DUSP6: variants seen among roughly 807,000 people sequenced by gnomAD.
DUSP6 encodes dual specificity phosphatase 6.
Under a neutral mutation model 28.0 loss-of-function variants are expected in DUSP6, and 6 were observed. The observed-to-expected ratio is 0.21, with a 90% CI of 0.12 to 0.42. The LOEUF is 0.42. DUSP6 is among the 10% of genes least tolerant of loss of function. The pLI is 1.00. For synonymous variants in DUSP6, 252 were observed against 217.5 expected, an observed-to-expected ratio of 1.16 and a Z score of -1.40; for missense variants, 451 against 498.1, an observed-to-expected ratio of 0.91 and a Z score of 0.90.
intron 1 of DUSP6, chr12:89,351,316 C>T: frequency 1.7e-6 from 1 of 580,064 alleles, no homozygotes; most frequent in Non-Finnish European, 3.0e-6. Context: ...AACAATCTCT[C>T]CCGTCCTGCA....
rs1311440674 is a variant in DUSP6 at position 89,348,973 on chromosome 12, A to T, written c.*281T>A. 2 of 364,002 alleles carry T rather than the reference A, an allele frequency of 5.5e-6. No individual in the cohort carries two copies. The highest frequency in any genetic ancestry group is 4.0e-5 in the African/African-American group (2 of 49,904). The allele number at this position is 364,002 out of a possible 1,614,324, so 22.5% of individuals were successfully genotyped here. A position where few individuals can be genotyped will look rare whatever the true frequency, so the allele number is the denominator to read the frequency against. ...TTTGGTTCTACCCTATGCGCCTGGA[A>T]GTCCTCGAATCCCAGTCCCTGCATG... On this transcript the variant is annotated 3_prime_UTR_variant, in exon 3 of 3. Coordinates refer to ENST00000279488, the MANE Select transcript of DUSP6 (RefSeq NM_001946.4).
In DUSP6 at chr12:89,347,519, G is replaced by A. The variant is rs2120486635; in HGVS notation, c.*1735C>T. On this transcript the variant is annotated 3_prime_UTR_variant, in exon 3 of 3. Coordinates refer to ENST00000279488, the MANE Select transcript of DUSP6 (RefSeq NM_001946.4). Reference sequence around the variant, plus strand: ...AGGAAGCTTAGATATGCCTTGCCATGCGCATGCTAGGGGAAAAAGTGGAGA... The same window carrying A: ...AGGAAGCTTAGATATGCCTTGCCATACGCATGCTAGGGGAAAAAGTGGAGA... 6.6e-6 allele frequency: 1 copy of A among 152,304 alleles called. No homozygotes were observed. Among genetic ancestry groups the A allele is most frequent in the South Asian group, 2.1e-4 (1 of 4,832 alleles). 9.4% of individuals were successfully genotyped at this position (152,304 alleles called of 1,614,324 possible).
chr12:89,348,778 A>C lies in DUSP6; in HGVS notation c.*476T>G, dbSNP rs1879073413. On this transcript the variant is annotated 3_prime_UTR_variant, in exon 3 of 3. Transcript: ENST00000279488. ...ATTTACAATAATCAAATGGAGTATCAGATTTTTTTTTCCAAACTGATACCA... is the reference window on the plus strand; with the variant it reads ...ATTTACAATAATCAAATGGAGTATCCGATTTTTTTTTCCAAACTGATACCA... The C allele has an allele frequency of 1.3e-5, 2 of 153,502 alleles. No individual in the cohort carries two copies. The highest frequency in any genetic ancestry group is 2.1e-4 in the South Asian group (1 of 4,878). 9.5% of individuals were successfully genotyped at this position (153,502 alleles called of 1,614,324 possible). A position where few individuals can be genotyped will look rare whatever the true frequency, so the allele number is the denominator to read the frequency against.
chr12:89,350,551 T>C, intron 2 of DUSP6, 37 bp downstream of exon 2: 1 of 1,581,840 alleles, frequency 6.3e-7, no homozygotes, highest in Non-Finnish European at 8.6e-7. Flanking sequence ...GAATTTTGCA[T>C]TTAAATGTCA....
chr12:89,351,755 C>A lies in DUSP6; in HGVS notation c.285G>T (p.Val95=). The change falls in exon 1 of 3, where the codon GTG becomes GTT. Residue 95 remains valine, a synonymous_variant. Transcript: ENST00000279488. Reference sequence around the variant, plus strand: ...CGCTGCTGCTCTCGTCGTAGAGCACCACTGTGTCGGTGCCACAGCGCCGGG... The same window carrying A: ...CGCTGCTGCTCTCGTCGTAGAGCACAACTGTGTCGGTGCCACAGCGCCGGG... ...RFTRRCGTDT[V]VLYDESSSDW... 6.2e-7 allele frequency: 1 copy of A among 1,608,200 alleles called. No individual in the cohort carries two copies. The highest frequency in any genetic ancestry group is 8.5e-7 in the Non-Finnish European group (1 of 1,178,050).
At chr12:89,350,060 G>A (rs1345638242) in intron 2 of DUSP6, among the ~76,000 whole-genome samples, 1 of 152,196 alleles carries the variant, frequency 6.6e-6, no homozygotes, top group Non-Finnish European at 1.5e-5. Flanking sequence ...ACAATGCCTG[G>A]AGATTCACTT....
chr12:89,351,438 G>A, intron 1 of DUSP6: 4 of 870,618 alleles, frequency 4.6e-6, no homozygotes, highest in South Asian at 1.9e-5. Context: ...AGCCGGAAGC[G>A]AGTGGATTCT....
intron 1 of DUSP6, 172 bp downstream of exon 1, chr12:89,351,468 G>C (rs988170472): frequency 4.4e-6 from 5 of 1,142,302 alleles, no homozygotes; most frequent in Non-Finnish European, 6.0e-6. Context: ...CGGTTCTCTG[G>C]TGCGGAACGC....
At chr12:89,349,658 T>C (rs539683991) in intron 2 of DUSP6, 97 bp from the exon 3 acceptor site, 17 of 929,436 alleles carry the variant, frequency 1.8e-5, no homozygotes, top group Non-Finnish European at 9.6e-6. Flanking sequence ...ATAATAATAA[T>C]AATAGTTGTG....
At position 89,352,029 on chromosome 12, in the gene DUSP6, G is replaced by T. The variant is rs553295680; in HGVS notation, c.11C>A (p.Thr4Lys). The T allele has an allele frequency of 6.2e-7, 1 of 1,611,232 alleles. No homozygotes were observed. Among genetic ancestry groups the T allele is most frequent in the South Asian group, 1.1e-5 (1 of 91,054 alleles). The change falls in exon 1 of 3, where the codon ACG (threonine) becomes AAG (lysine). Residue 4 changes from threonine (T) to lysine (K), a missense_variant. Physicochemically the swap from Thr to Lys is moderately conservative, Grantham distance 78 (BLOSUM62 -1). Around this residue, in one of 2 missense-constraint regions of DUSP6, gnomAD observed 347 missense variants for 346.6 expected, o/e 1.00. Coordinates refer to ENST00000279488, the MANE Select transcript of DUSP6 (RefSeq NM_001946.4). MID[T>K]LRPVPFASEM... is the part of the protein sequence containing the mutation. ...CGACGCGAAGGGCACGGGTCTGAGC[G>T]TATCTATCATGGGGGTCGAGCTGCG...
In DUSP6 at chr12:89,349,029, C is replaced by G. The variant is rs1879085852; in HGVS notation, c.*225G>C. The G allele has an allele frequency of 1.1e-5, 6 of 552,722 alleles. No individual in the cohort carries two copies. Among genetic ancestry groups the G allele is most frequent in the South Asian group, 2.3e-5 (1 of 43,128 alleles). The allele number at this position is 552,722 out of a possible 1,614,324, so 34.2% of individuals were successfully genotyped here. ...GCTGTACACATGGGTACAGAGCAAA[C>G]CTACTGCCTGTATCTATACAGCATG... On this transcript the variant is annotated 3_prime_UTR_variant, in exon 3 of 3. Coordinates refer to ENST00000279488, the MANE Select transcript of DUSP6 (RefSeq NM_001946.4).
intron 2 of DUSP6, 90 bp from the exon 3 acceptor site, chr12:89,349,651 A>G: frequency 1.0e-6 from 1 of 965,626 alleles, no homozygotes; most frequent in South Asian, 1.7e-5. Context: ...TGAAAACATA[A>G]TAATAATAAT....
Position 89,352,170 on chromosome 12 carries a change from G to T in DUSP6, c.-131C>A. 1.4e-6 allele frequency: 2 copies of T among 1,395,108 alleles called. No individual in the cohort carries two copies. Among genetic ancestry groups the T allele is most frequent in the Non-Finnish European group, 1.9e-6 (2 of 1,035,600 alleles). 86.4% of individuals were successfully genotyped at this position (1,395,108 alleles called of 1,614,324 possible). On this transcript the variant is annotated 5_prime_UTR_variant, in exon 1 of 3. Transcript: ENST00000279488. Reference sequence around the variant, plus strand: ...AATTCCGCCTCGCCTTACCCAAGCCGAGGCTAGCGGTTGGGGCAGACGAGA... The same window carrying T: ...AATTCCGCCTCGCCTTACCCAAGCCTAGGCTAGCGGTTGGGGCAGACGAGA...
At position 89,348,883 on chromosome 12, in the gene DUSP6, C is replaced by T. The variant is rs149601103; in HGVS notation, c.*371G>A. The T allele has an allele frequency of 6.5e-4, 116 of 178,358 alleles. 1 individual carries two copies. Among genetic ancestry groups the T allele is most frequent in the Middle Eastern group, 2.5e-3 (1 of 394 alleles). 11.0% of individuals were successfully genotyped at this position (178,358 alleles called of 1,614,324 possible). On this transcript the variant is annotated 3_prime_UTR_variant, in exon 3 of 3. Coordinates refer to ENST00000279488, the MANE Select transcript of DUSP6 (RefSeq NM_001946.4). Reference sequence around the variant, plus strand: ...TCTTCATTGAAGACAATTATATAGTCAGTTCCAGATGCAAAAGGAAACAGC... The same window carrying T: ...TCTTCATTGAAGACAATTATATAGTTAGTTCCAGATGCAAAAGGAAACAGC...
At chr12:89,351,144 A>C (rs1423230499) in intron 1 of DUSP6, 119 bp from the exon 2 acceptor site, 1 of 1,070,806 alleles carries the variant, frequency 9.3e-7, no homozygotes, top group East Asian at 2.6e-5. Context: ...CCCTACATAC[A>C]GAACCATCTA....
In DUSP6 at chr12:89,348,967, C is replaced by T. The variant is rs1879083143; in HGVS notation, c.*287G>A. 2 of 353,220 alleles carry T rather than the reference C, an allele frequency of 5.7e-6. No homozygotes were observed. The highest frequency in any genetic ancestry group is 1.0e-5 in the Non-Finnish European group (2 of 191,240). The allele number at this position is 353,220 out of a possible 1,614,324, so 21.9% of individuals were successfully genotyped here. On this transcript the variant is annotated 3_prime_UTR_variant, in exon 3 of 3. Coordinates refer to ENST00000279488, the MANE Select transcript of DUSP6 (RefSeq NM_001946.4). ...CTATCATTTGGTTCTACCCTATGCG[C>T]CTGGAAGTCCTCGAATCCCAGTCCC...
chr12:89,351,722 G>C lies in DUSP6; in HGVS notation c.318C>G (p.Asn106Lys). ...GCACCGACTCGCCGCCCGTATTCTC[G>C]TTCCAGTCGCTGCTGCTCTCGTCGT... The part of the protein sequence containing the change: ...VLYDESSSDW[N>K]ENTGGESVLG... Residue 106 changes from asparagine (N) to lysine (K), a missense_variant, in exon 1 of 3, where the codon AAC (asparagine) becomes AAG (lysine). By Grantham distance (94) the Asn-to-Lys change is moderately conservative. Coordinates refer to ENST00000279488, the MANE Select transcript of DUSP6 (RefSeq NM_001946.4). The C allele has an allele frequency of 1.2e-6, 2 of 1,606,244 alleles. No individual in the cohort carries two copies. Among genetic ancestry groups the C allele is most frequent in the South Asian group, 2.2e-5 (2 of 89,808 alleles).
At position 89,349,133 on chromosome 12, in the gene DUSP6, C is replaced by G. The variant is rs1467101335; in HGVS notation, c.*121G>C. 1.0e-5 allele frequency: 11 copies of G among 1,084,820 alleles called. No homozygotes were observed. In the African/African-American group the frequency reaches 1.4e-4, roughly 14 times the overall value. 67.2% of individuals were successfully genotyped at this position (1,084,820 alleles called of 1,614,324 possible). ...CCGCACTTGGTAACCTTGTCTAGTACAGACAGCTGGTGTCATTTTGACACC... is the reference window on the plus strand; with the variant it reads ...CCGCACTTGGTAACCTTGTCTAGTAGAGACAGCTGGTGTCATTTTGACACC... On this transcript the variant is annotated 3_prime_UTR_variant, in exon 3 of 3. Transcript: ENST00000279488.
intron 2 of DUSP6, among the ~76,000 whole-genome samples, chr12:89,350,222 A>T (rs1274648730): frequency 2.0e-5 from 3 of 152,208 alleles, no homozygotes; most frequent in Admixed American, 2.0e-4. Flanking sequence ...TAACTCCTAG[A>T]TGTTTTTAAA....
Sources: gnomAD v4.1 joint callset for allele counts (sites outside exome capture counted in the v4.1 genomes callset) on GRCh38, gnomAD v4.1.1 for gene constraint, gnomAD v4.1.1 regional missense constraint, MANE v1.5 for transcripts, NCBI Gene and HGNC (gene_info 2026-07-23, HGNC 2026-07-21) for gene names.